The following RIPOR2 variants were observed in gnomAD, a reference collection of about 807,000 sequenced individuals.
The protein encoded by RIPOR2 is rho family-interacting cell polarization regulator 2.
A neutral mutation model predicts 114.5 loss-of-function variants in RIPOR2; 39 were observed. That is an observed-to-expected ratio of 0.34 (90% CI 0.26 to 0.44). The LOEUF is 0.44. Among genes scored for constraint, RIPOR2 ranks in the 20% least tolerant of loss-of-function variants. The probability of loss-of-function intolerance (pLI) is 1.00; values close to 1 mark genes in which losing one functional copy is unlikely to be tolerated. For missense variants in RIPOR2, 1,007 were observed against 1,255.1 expected, an observed-to-expected ratio of 0.80 and a Z score of 2.99; for synonymous variants, 445 against 484.4, an observed-to-expected ratio of 0.92 and a Z score of 1.07.
chr6:24,854,164 A>G (rs1237279545), intron 8 of RIPOR2, among the ~76,000 whole-genome samples: 1 of 151,918 alleles, frequency 6.6e-6, no homozygotes, highest in Non-Finnish European at 1.5e-5. Context: ...CAGTAAATTG[A>G]TATGCATCAG....
intron 1 of RIPOR2, among the ~76,000 whole-genome samples, chr6:24,991,756 G>A (rs1052992484): frequency 2.0e-5 from 3 of 152,148 alleles, no homozygotes; most frequent in African/African-American, 7.2e-5. Context: ...AGCTTAAAGG[G>A]TTTTAATGAA....
At chr6:24,875,077 G>A (rs1054311168) in intron 2 of RIPOR2, among the ~76,000 whole-genome samples, 9 of 152,142 alleles carry the variant, frequency 5.9e-5, no homozygotes, top group Non-Finnish European at 7.4e-5. Context: ...TTAGTTATTC[G>A]TTATACTCTC....
intron 1 of RIPOR2, chr6:25,024,061 G>A (rs539078743): frequency 2.6e-6 from 2 of 764,532 alleles, no homozygotes; most frequent in East Asian, 4.9e-5. Context: ...CATCCTCCAG[G>A]GAGCAGTGCC....
intron 1 of RIPOR2, among the ~76,000 whole-genome samples, chr6:25,001,852 A>T (rs1775337868): frequency 6.6e-6 from 1 of 151,026 alleles, no homozygotes; most frequent in African/African-American, 2.4e-5. Context: ...GGCGCGTGCC[A>T]CCATGCCTGG....
chr6:24,873,572 T>C (rs1029827189), intron 3 of RIPOR2, 72 bp downstream of exon 3: 3 of 1,347,732 alleles, frequency 2.2e-6, no homozygotes, highest in Non-Finnish European at 3.1e-6. Flanking sequence ...TGAAAAATGA[T>C]CTCATAAGAC....
chr6:24,804,620 A>T lies in RIPOR2; in HGVS notation c.*1753T>A, dbSNP rs1394911871. The T allele has an allele frequency of 6.6e-6, 1 of 152,188 alleles. No homozygotes were observed. Among genetic ancestry groups the T allele is most frequent in the Non-Finnish European group, 1.5e-5 (1 of 68,040 alleles). The allele number at this position is 152,188 out of a possible 1,614,324, so 9.4% of individuals were successfully genotyped here. ...ATATATATAATATTTATAAATATAC[A>T]GATATGTACACGATAAGTTCACAGT... On this transcript the variant is annotated 3_prime_UTR_variant, in exon 22 of 22. Transcript: ENST00000643898.
chr6:24,825,105 GCA>G (rs1760037540), intron 19 of RIPOR2, 119 bp downstream of exon 19: 2 of 734,150 alleles, frequency 2.7e-6, no homozygotes, highest in Non-Finnish European at 4.4e-6. Context: ...GCTTTATGGA[GCA>G]CACATTATTA....
intron 1 of RIPOR2, among the ~76,000 whole-genome samples, chr6:25,032,096 G>C (rs183142589): frequency 2.0e-5 from 3 of 151,384 alleles, no homozygotes; most frequent in Non-Finnish European, 4.4e-5. Context: ...CAGAGGGGAA[G>C]AGCTGAGCTC....
intron 1 of RIPOR2, among the ~76,000 whole-genome samples, chr6:25,035,076 A>C (rs1219836832): frequency 6.6e-6 from 1 of 152,206 alleles, no homozygotes; most frequent in Non-Finnish European, 1.5e-5. Context: ...GCCAGTATAA[A>C]CACTAGGGTC....
At chr6:24,950,211 G>A (rs1399369713) in intron 1 of RIPOR2, among the ~76,000 whole-genome samples, 1 of 152,176 alleles carries the variant, frequency 6.6e-6, no homozygotes, top group Non-Finnish European at 1.5e-5. Context: ...TTATGCAAAA[G>A]TAATATGGTA....
At chr6:24,914,476 T>A (rs1399402805) in intron 1 of RIPOR2, among the ~76,000 whole-genome samples, 5 of 152,218 alleles carry the variant, frequency 3.3e-5, no homozygotes, top group Non-Finnish European at 7.3e-5. Context: ...GAAACCTGCC[T>A]TGTAGAGCCT....
intron 1 of RIPOR2, among the ~76,000 whole-genome samples, chr6:24,909,113 C>A (rs1259104372): frequency 6.6e-6 from 1 of 152,122 alleles, no homozygotes; most frequent in African/African-American, 2.4e-5. Context: ...TTTGGACAGG[C>A]AGATGCATTA....
rs1046356066 is a variant in RIPOR2, at chr6:24,804,335, A to T, written c.*2038T>A. ...TTTTAACTTACATGACTGAAAGATC[A>T]ATGAATACAAATGCCACACAACTAA... On this transcript the variant is annotated 3_prime_UTR_variant, in exon 22 of 22. Coordinates refer to ENST00000643898, the MANE Select transcript of RIPOR2 (RefSeq NM_001286445.3). 4 of 151,856 alleles carry T rather than the reference A, an allele frequency of 2.6e-5. No homozygotes were observed. In the South Asian group the frequency reaches 8.3e-4, roughly 32 times the overall value. 9.4% of individuals were successfully genotyped at this position (151,856 alleles called of 1,614,324 possible). A position where few individuals can be genotyped will look rare whatever the true frequency, so the allele number is the denominator to read the frequency against.
intron 1 of RIPOR2, among the ~76,000 whole-genome samples, chr6:25,005,544 C>T (rs1775513427): frequency 6.6e-6 from 1 of 150,488 alleles, no homozygotes; most frequent in Non-Finnish European, 1.5e-5. Flanking sequence ...TCATCTTAGT[C>T]AATGAAAAAA....
chr6:25,027,522 C>T (rs959227394), intron 1 of RIPOR2, among the ~76,000 whole-genome samples: 14 of 152,212 alleles, frequency 9.2e-5, no homozygotes, highest in African/African-American at 3.4e-4. Flanking sequence ...TTCAGCTCTG[C>T]CAGGAAATAA....
chr6:24,935,206 G>T (rs1771679648), intron 1 of RIPOR2, among the ~76,000 whole-genome samples: 1 of 151,878 alleles, frequency 6.6e-6, no homozygotes. Context: ...TACTTGGGAG[G>T]CTGAGGCAGG....
intron 1 of RIPOR2, among the ~76,000 whole-genome samples, chr6:24,975,241 T>C (rs1053776274): frequency 2.0e-5 from 3 of 152,200 alleles, no homozygotes; most frequent in South Asian, 2.1e-4. Context: ...ATTGTAGAAG[T>C]TTAAACACAA....
At chr6:24,849,732 C>T in intron 11 of RIPOR2, 70 bp downstream of exon 11, 2 of 1,398,062 alleles carry the variant, frequency 1.4e-6, no homozygotes, top group Non-Finnish European at 2.0e-6. Flanking sequence ...ATGGTCCATG[C>T]ACCAGCTTTG....
intron 14 of RIPOR2, among the ~76,000 whole-genome samples, chr6:24,837,838 C>A (rs1161588821): frequency 6.6e-6 from 1 of 151,780 alleles, no homozygotes; most frequent in Non-Finnish European, 1.5e-5. Context: ...AAAAGGAAAC[C>A]CTTCAGGGAC....
Sources: gnomAD v4.1 joint callset for allele counts (sites outside exome capture counted in the v4.1 genomes callset) on GRCh38, gnomAD v4.1.1 for gene constraint, MANE v1.5 for transcripts, NCBI Gene and HGNC (gene_info 2026-07-23, HGNC 2026-07-21) for gene names.